Variants in SLC23A2 observed in about 807,000 individuals in gnomAD.
SLC23A2 encodes the protein Na(+)/L-ascorbic acid transporter 2.
SLC23A2 carries 36 observed loss-of-function variants against 73.3 expected under a neutral mutation model. That is an observed-to-expected ratio of 0.49 (90% CI 0.38 to 0.65). The LOEUF (loss-of-function observed/expected upper bound fraction) is 0.65. Among genes scored for constraint, SLC23A2 ranks in the 30% least tolerant of loss-of-function variants. The probability of loss-of-function intolerance (pLI) is 0.00; values close to 1 mark genes in which losing one functional copy is unlikely to be tolerated. For synonymous variants in SLC23A2, 343 were observed against 327.3 expected (o/e 1.05, Z -0.52); for missense variants, 507 against 841.6 (o/e 0.60, Z 4.92).
chr20:4,881,113 C>T (rs940819028), intron 9 of SLC23A2, among the ~76,000 whole-genome samples: 1 of 152,192 alleles, frequency 6.6e-6, no homozygotes, highest in Non-Finnish European at 1.5e-5. Context: ...CTGGCTGAAG[C>T]AACTAGGGGC....
chr20:4,958,488 A>C (rs2087327399), intron 2 of SLC23A2, among the ~76,000 whole-genome samples: 1 of 152,222 alleles, frequency 6.6e-6, no homozygotes, highest in Admixed American at 6.5e-5. Context: ...TAAATGAAAA[A>C]TTCTATGTAT....
intron 1 of SLC23A2, among the ~76,000 whole-genome samples, chr20:4,985,931 T>A (rs908777981): frequency 4.6e-5 from 7 of 152,144 alleles, no homozygotes; most frequent in African/African-American, 1.7e-4. Context: ...AAGCATATCC[T>A]TTAAACAACT....
intron 2 of SLC23A2, among the ~76,000 whole-genome samples, chr20:4,943,674 CAAA>C (rs552051541): frequency 1.5e-4 from 12 of 78,828 alleles, no homozygotes; most frequent in Admixed American, 3.0e-4. Flanking sequence ...GACTCTGTCT[CAAA>C]AAAAAAAAAA....
rs10634743 is a variant in SLC23A2 at position 4,998,805 on chromosome 20, CT to C, written c.-282+2600del. On this transcript the variant is annotated intron_variant, in intron 1 of 16. Coordinates refer to ENST00000338244, the MANE Select transcript of SLC23A2 (RefSeq NM_005116.6). This position sits in a 1 kb window ranked among gnomAD's most constrained non-coding sequence, Gnocchi z 4.1. ...ATAATTTCAAATCATTACTGTTGAT[CT>C]TTTTTTTTTTTTTTTTAGGAGACAG... 5.6e-3 allele frequency among the ~76,000 whole-genome samples: 787 copies of C among 139,394 alleles called. 4 individuals carry two copies. Among genetic ancestry groups the C allele is most frequent in the African/African-American group, 0.015 (565 of 37,892 alleles). The allele number at this position is 139,394 out of a possible 152,430, so 91.4% of individuals were successfully genotyped here.
intron 6 of SLC23A2, among the ~76,000 whole-genome samples, chr20:4,898,052 G>A (rs1931612250): frequency 6.6e-6 from 1 of 152,212 alleles, no homozygotes; most frequent in Non-Finnish European, 1.5e-5. Context: ...ACAGAGCCCT[G>A]AACACTGTAC....
chr20:4,983,462 C>G lies in SLC23A2; in HGVS notation c.-281-12543G>C, dbSNP rs573237908. On this transcript the variant is annotated intron_variant, in intron 1 of 16. Coordinates refer to ENST00000338244, the MANE Select transcript of SLC23A2 (RefSeq NM_005116.6). ...GAGATCGAGACCATCCTGGCCAACA[C>G]GGTGAAACCCCGTCTCTACTAAAAA... 1.6e-4 allele frequency among the ~76,000 whole-genome samples: 24 copies of G among 148,946 alleles called. No homozygotes were observed. In the South Asian group the frequency reaches 2.5e-3, roughly 16 times the overall value.
At chr20:4,975,163 G>T (rs2087623801) in intron 1 of SLC23A2, among the ~76,000 whole-genome samples, 1 of 152,126 alleles carries the variant, frequency 6.6e-6, no homozygotes, top group Non-Finnish European at 1.5e-5. Context: ...TTTTCCAAAA[G>T]GTGCTAGGCC....
At chr20:4,991,475 G>C (rs1437148651) in intron 1 of SLC23A2, among the ~76,000 whole-genome samples, 1 of 152,082 alleles carries the variant, frequency 6.6e-6, no homozygotes, top group Admixed American at 6.6e-5. Flanking sequence ...TCTAATCCCA[G>C]CACTTTGGGA....
chr20:4,952,103 CAAAAAAAAAAAAAAA>C (rs57832305), intron 2 of SLC23A2, among the ~76,000 whole-genome samples: 1 of 40,534 alleles, frequency 2.5e-5, no homozygotes, highest in African/African-American at 7.5e-5. Flanking sequence ...GACTCTGACT[CAAAAAAAAAAAAAAA>C]AAAAAAAAAA....
In SLC23A2 at chr20:4,885,920, C is replaced by T. The variant is rs373131676; in HGVS notation, c.483-11G>A. 9.5e-5 allele frequency: 152 copies of T among 1,600,250 alleles called. No individual in the cohort carries two copies. Among genetic ancestry groups the T allele is most frequent in the South Asian group, 1.4e-4 (13 of 90,198 alleles). On this transcript the variant is annotated splice_polypyrimidine_tract_variant and intron_variant, in intron 6 of 16. Transcript: ENST00000338244. ...TGAAACAGGGGTAACCTAAAAGAAA[C>T]GAGACCAAAACCATGATCACGGCAT...
chr20:4,995,193 G>A (rs1187014877), intron 1 of SLC23A2, among the ~76,000 whole-genome samples: 1 of 152,106 alleles, frequency 6.6e-6, no homozygotes. Flanking sequence ...GAGGTGGTGG[G>A]TAGAAGATTC....
At chr20:4,881,304 T>G (rs1197368743) in intron 9 of SLC23A2, among the ~76,000 whole-genome samples, 1 of 152,146 alleles carries the variant, frequency 6.6e-6, no homozygotes, top group Non-Finnish European at 1.5e-5. Flanking sequence ...AACTACAGGT[T>G]TCCATGGAAC....
chr20:4,956,123 A>G (rs1442711947), intron 2 of SLC23A2, among the ~76,000 whole-genome samples: 1 of 152,228 alleles, frequency 6.6e-6, no homozygotes, highest in Non-Finnish European at 1.5e-5. Flanking sequence ...TGCATTTGAA[A>G]ATATCTAATC....
chr20:4,965,712 A>G (rs2122202698), intron 2 of SLC23A2, among the ~76,000 whole-genome samples: 1 of 152,232 alleles, frequency 6.6e-6, no homozygotes, highest in Non-Finnish European at 1.5e-5. Flanking sequence ...CAAGCCTGTA[A>G]TCCCAGCACT....
intron 1 of SLC23A2, among the ~76,000 whole-genome samples, chr20:4,990,472 T>G (rs1198240978): frequency 1.3e-5 from 2 of 151,832 alleles, no homozygotes; most frequent in Non-Finnish European, 2.9e-5. Flanking sequence ...TGGGTTCAAT[T>G]GATTCCCATG....
intron 1 of SLC23A2, among the ~76,000 whole-genome samples, chr20:4,974,010 A>G (rs2087605288): frequency 6.6e-6 from 1 of 152,162 alleles, no homozygotes; most frequent in Non-Finnish European, 1.5e-5. Context: ...AACATCTACC[A>G]CTGACTCAAC....
At chr20:5,002,335 T>C (rs74442773), upstream of SLC23A2, among the ~76,000 whole-genome samples, 689 of 152,366 alleles carry the variant, frequency 4.5e-3, 3 homozygotes, top group Non-Finnish European at 7.4e-3. Flanking sequence ...CAGGTGATGC[T>C]GATGCTACTG....
chr20:5,001,108 G>A (rs2088114445), intron 1 of SLC23A2, among the ~76,000 whole-genome samples: 1 of 151,934 alleles, frequency 6.6e-6, no homozygotes, highest in Non-Finnish European at 1.5e-5. Context: ...GGGCCCGAGC[G>A]CGCTGTGGCT....
rs574379772 is a variant in SLC23A2 at position 4,868,072 on chromosome 20, A to ATT, written c.1251-199_1251-198dup. Among the ~76,000 whole-genome samples, 52 of 94,414 alleles carry ATT rather than the reference A, an allele frequency of 5.5e-4. No individual in the cohort carries two copies. The highest frequency in any genetic ancestry group is 9.6e-4 in the Admixed American group (8 of 8,312). The allele number at this position is 94,414 out of a possible 152,430, so 61.9% of individuals were successfully genotyped here. On this transcript the variant is annotated intron_variant, in intron 12 of 16. Coordinates refer to ENST00000338244, the MANE Select transcript of SLC23A2 (RefSeq NM_005116.6). This position sits in a 1 kb window ranked among gnomAD's most constrained non-coding sequence, Gnocchi z 4.4. ...CCTGCTGAAGCAGAAAAGAATCTGC[A>ATT]TTTTTTTTTTTTTTTTTTTTTTTTT...
Sources: gnomAD v4.1 joint callset for allele counts (sites outside exome capture counted in the v4.1 genomes callset) on GRCh38, gnomAD v4.1.1 for gene constraint, Gnocchi (gnomAD v3.1) non-coding constraint, MANE v1.5 for transcripts, NCBI Gene and HGNC (gene_info 2026-07-23, HGNC 2026-07-21) for gene names.